The following GLIS1 variants were observed in gnomAD, a reference collection of about 807,000 sequenced individuals.
GLIS1 encodes the protein GLIS family zinc finger 1, also known as zinc finger protein GLIS1.
A neutral mutation model predicts 63.8 loss-of-function variants in GLIS1; 24 were observed. That is an observed-to-expected ratio of 0.38 (90% CI 0.27 to 0.53). The LOEUF is 0.53. Among genes scored for constraint, GLIS1 ranks in the 20% least tolerant of loss-of-function variants. The pLI is 0.85. For synonymous variants in GLIS1, 450 were observed against 482.5 expected (o/e 0.93, Z 0.88); for missense variants, 1,036 against 1,074.1 (o/e 0.96, Z 0.50).
intron 2 of GLIS1, among the ~76,000 whole-genome samples, chr1:53,711,016 G>A (rs1046936558): frequency 3.9e-4 from 59 of 151,814 alleles, no homozygotes; most frequent in African/African-American, 1.2e-3. Flanking sequence ...ACACCCACCC[G>A]TACCCCACAC....
chr1:53,688,476 C>CAT (rs1646366090), intron 2 of GLIS1, among the ~76,000 whole-genome samples: 1 of 152,216 alleles, frequency 6.6e-6, no homozygotes, highest in African/African-American at 2.4e-5. Context: ...CCTCTCTGCT[C>CAT]TCCTGCCCAT....
At position 53,594,275 on chromosome 1, in the gene GLIS1, C is replaced by T; in HGVS notation, c.1153G>A (p.Glu385Lys). The T allele has an allele frequency of 6.2e-7, 1 of 1,613,342 alleles. No individual in the cohort carries two copies. ...TTCTCGATGTGCCGCACCAGCTCCT[C>T]CTGCTGCTCATAGGCTGCACAGCAG... ...VDCCAAYEQQ[E>K]ELVRHIEKSH... Residue 385 changes from glutamate to lysine, a missense_variant, in exon 4 of 11, where the codon GAG becomes AAG. Transcript: ENST00000628545.
chr1:53,556,502 G>T (rs941867725), intron 4 of GLIS1, among the ~76,000 whole-genome samples: 3 of 139,796 alleles, frequency 2.1e-5, no homozygotes, highest in Non-Finnish European at 3.0e-5. Context: ...AGGTGTGTGT[G>T]TGGTGTACTG....
chr1:53,659,299 G>A (rs1019765037), intron 2 of GLIS1, among the ~76,000 whole-genome samples: 3 of 152,210 alleles, frequency 2.0e-5, no homozygotes, highest in Admixed American at 6.5e-5. Flanking sequence ...AAGCTCACGG[G>A]CACTCAGGTG....
intron 2 of GLIS1, among the ~76,000 whole-genome samples, chr1:53,723,239 C>CTT (rs111541690): frequency 1.4e-5 from 2 of 141,422 alleles, no homozygotes; most frequent in East Asian, 2.0e-4. Context: ...TATTTATTTA[C>CTT]TTTTTTTTTT....
intron 4 of GLIS1, among the ~76,000 whole-genome samples, chr1:53,542,649 G>A (rs1644655395): frequency 6.6e-6 from 1 of 152,244 alleles, no homozygotes; most frequent in African/African-American, 2.4e-5. Flanking sequence ...AGCTGGGACA[G>A]GGACATTGGA....
At chr1:53,578,578 G>T (rs927761964) in intron 4 of GLIS1, among the ~76,000 whole-genome samples, 1 of 152,170 alleles carries the variant, frequency 6.6e-6, no homozygotes, top group African/African-American at 2.4e-5. Flanking sequence ...TGGCTGGTCT[G>T]CTTCCTTTCC....
intron 2 of GLIS1, among the ~76,000 whole-genome samples, chr1:53,637,793 G>A (rs1440117148): frequency 6.6e-6 from 1 of 152,144 alleles, no homozygotes; most frequent in Non-Finnish European, 1.5e-5. Flanking sequence ...GAGCACCTGC[G>A]CAGCTACCAA....
intron 2 of GLIS1, among the ~76,000 whole-genome samples, chr1:53,632,568 TGA>T (rs1199908538): frequency 6.9e-6 from 1 of 145,234 alleles, no homozygotes; most frequent in Non-Finnish European, 1.5e-5. Context: ...TGAGTGTGAC[TGA>T]GGGGCATGTG....
At chr1:53,558,333 G>A (rs181607790) in intron 4 of GLIS1, among the ~76,000 whole-genome samples, 126 of 152,326 alleles carry the variant, frequency 8.3e-4, no homozygotes, top group African/African-American at 2.9e-3. Flanking sequence ...GCGATCTTTC[G>A]ATGAGGGCCT....
intron 2 of GLIS1, among the ~76,000 whole-genome samples, chr1:53,656,064 G>A (rs1645962091): frequency 6.6e-6 from 1 of 152,206 alleles, no homozygotes; most frequent in African/African-American, 2.4e-5. Context: ...ATACTGCTGG[G>A]ATCTGGCCAA....
rs1418801622 is a variant in GLIS1, at chr1:53,511,395, TC to T, written c.1884-1369del. On this transcript the variant is annotated intron_variant, in intron 8 of 10. Coordinates refer to ENST00000628545, the MANE Select transcript of GLIS1 (RefSeq NM_001367484.1). The surrounding 1 kb of genome is among the most constrained non-coding windows in gnomAD (Gnocchi z 4.2). ...AAGCAGATTTGGAGAGAGGCTGGGG[TC>T]TCCGCATCTGTGCTGTGCCAAGTTC... is the stretch of plus-strand genomic sequence containing the variant. Among the ~76,000 whole-genome samples, 2 of 151,966 alleles carry T rather than the reference TC, an allele frequency of 1.3e-5. No homozygotes were observed. Among genetic ancestry groups the T allele is most frequent in the Non-Finnish European group, 2.9e-5 (2 of 67,998 alleles).
chr1:53,615,433 C>T (rs4926606), intron 2 of GLIS1, among the ~76,000 whole-genome samples: 33,277 of 152,126 alleles, frequency 0.22, 3,766 homozygotes, highest in East Asian at 0.39. Flanking sequence ...TGAGTGACCA[C>T]TAGTGCCTCT....
At chr1:53,727,810 C>G (rs1246791024) in intron 2 of GLIS1, among the ~76,000 whole-genome samples, 1 of 152,202 alleles carries the variant, frequency 6.6e-6, no homozygotes, top group Non-Finnish European at 1.5e-5. Context: ...AGCCTCAAGA[C>G]AGTGTTGGAA....
intron 4 of GLIS1, among the ~76,000 whole-genome samples, chr1:53,554,705 G>GCC (rs2100414282): frequency 6.6e-6 from 1 of 152,254 alleles, no homozygotes; most frequent in East Asian, 1.9e-4. Context: ...AGCAACACAG[G>GCC]CCCCACCAAG....
chr1:53,553,370 C>G (rs1461603853), intron 4 of GLIS1, among the ~76,000 whole-genome samples: 1 of 152,148 alleles, frequency 6.6e-6, no homozygotes, highest in Non-Finnish European at 1.5e-5. Context: ...CTCCATTCAT[C>G]CATTCATCCA....
At chr1:53,512,480 T>C (rs1317927827) in intron 8 of GLIS1, among the ~76,000 whole-genome samples, 2 of 152,174 alleles carry the variant, frequency 1.3e-5, no homozygotes, top group African/African-American at 2.4e-5. Flanking sequence ...TGTCAAGCTA[T>C]TTAAACGTCC....
intron 3 of GLIS1, among the ~76,000 whole-genome samples, chr1:53,597,613 G>C (rs1015117034): frequency 9.2e-5 from 14 of 152,242 alleles, no homozygotes; most frequent in Non-Finnish European, 1.8e-4. Flanking sequence ...GATTGGGAGG[G>C]GCAGGCGCCG....
At chr1:53,718,210 A>C (rs1025460536) in intron 2 of GLIS1, among the ~76,000 whole-genome samples, 1 of 152,154 alleles carries the variant, frequency 6.6e-6, no homozygotes, top group Admixed American at 6.5e-5. Flanking sequence ...TCTCTGCCTA[A>C]ATCAGTCAGT....
Sources: gnomAD v4.1 joint callset for allele counts (sites outside exome capture counted in the v4.1 genomes callset) on GRCh38, gnomAD v4.1.1 for gene constraint, Gnocchi (gnomAD v3.1) non-coding constraint, MANE v1.5 for transcripts, NCBI Gene and HGNC (gene_info 2026-07-23, HGNC 2026-07-21) for gene names.